Variants in BEND7 observed in about 807,000 individuals in gnomAD.
BEND7 encodes BEN domain containing 7.
BEND7 carries 28 observed loss-of-function variants against 50.9 expected under a neutral mutation model. The ratio of observed to expected loss-of-function variants is 0.55; its 90% CI spans 0.41 to 0.75. The LOEUF (loss-of-function observed/expected upper bound fraction) is 0.75. Among genes scored for constraint, BEND7 ranks in the 30% least tolerant of loss-of-function variants. The pLI is 0.00. For missense variants in BEND7, 477 were observed against 491.3 expected (o/e 0.97, Z 0.28); for synonymous variants, 170 against 183.9 (o/e 0.92, Z 0.61).
chr10:13,467,009 G>A (rs1470085896), intron 6 of BEND7, among the ~76,000 whole-genome samples: 4 of 152,186 alleles, frequency 2.6e-5, no homozygotes, highest in Non-Finnish European at 4.4e-5. Context: ...AGGCGGGTGC[G>A]GGGCAGGGGT....
intron 1 of BEND7, among the ~76,000 whole-genome samples, chr10:13,528,130 G>C (rs1177948962): frequency 2.0e-5 from 3 of 152,096 alleles, no homozygotes; most frequent in Non-Finnish European, 2.9e-5. Context: ...TCTCAGGTCC[G>C]AGGGTCCACG....
At chr10:13,474,468 C>A (rs957595430) in intron 6 of BEND7, among the ~76,000 whole-genome samples, 1 of 152,126 alleles carries the variant, frequency 6.6e-6, no homozygotes, top group African/African-American at 2.4e-5. Flanking sequence ...GGGTCAATAC[C>A]CGTCATCACT....
chr10:13,485,256 A>C (rs773612488), intron 5 of BEND7, among the ~76,000 whole-genome samples: 70 of 152,222 alleles, frequency 4.6e-4, no homozygotes, highest in Non-Finnish European at 1.3e-4. Context: ...GGTATTAGTA[A>C]GGTATTAATA....
At chr10:13,496,635 T>A in intron 4 of BEND7, 131 bp downstream of exon 4, 11 of 1,102,766 alleles carry the variant, frequency 1.0e-5, no homozygotes, top group Non-Finnish European at 1.4e-5. Context: ...AAAAAACAGA[T>A]ACTTGAAAAG....
At chr10:13,470,177 C>T (rs556496984) in intron 6 of BEND7, among the ~76,000 whole-genome samples, 20 of 152,298 alleles carry the variant, frequency 1.3e-4, no homozygotes, top group African/African-American at 3.8e-4. Context: ...AGATGGACCA[C>T]GCAGAAAACA....
At chr10:13,495,271 TAAG>T (rs1004770118) in intron 4 of BEND7, among the ~76,000 whole-genome samples, 3 of 152,248 alleles carry the variant, frequency 2.0e-5, no homozygotes, top group Admixed American at 6.5e-5. Context: ...TCCAGGTTAA[TAAG>T]AACACAGATT....
intron 5 of BEND7, among the ~76,000 whole-genome samples, chr10:13,492,378 C>T (rs533085453): frequency 6.6e-6 from 1 of 152,186 alleles, no homozygotes; most frequent in Non-Finnish European, 1.5e-5. Flanking sequence ...ATTATTTACG[C>T]CATCACCCTC....
chr10:13,487,091 T>C (rs543625121), intron 5 of BEND7, among the ~76,000 whole-genome samples: 1 of 152,380 alleles, frequency 6.6e-6, no homozygotes, highest in African/African-American at 2.4e-5. Flanking sequence ...TTTCACACAC[T>C]TCAGTATGCC....
chr10:13,481,061 A>G lies in BEND7; in HGVS notation c.901T>C (p.Leu301=). 4 of 1,614,150 alleles carry G rather than the reference A, an allele frequency of 2.5e-6. No homozygotes were observed. The highest frequency in any genetic ancestry group is 2.2e-5 in the East Asian group (1 of 44,882). Residue 301 remains leucine, a synonymous_variant, in exon 6 of 9, where the codon TTG becomes CTG. Coordinates refer to ENST00000466271, the MANE Select transcript of BEND7 (RefSeq NM_001369863.1). Reference sequence around the variant, plus strand: ...CTTCCTGAGCGAGTGTAGTTTGACAATATAGAGTCCAGCTGAGATTTAGGC... The same window carrying G: ...CTTCCTGAGCGAGTGTAGTTTGACAGTATAGAGTCCAGCTGAGATTTAGGC... ...FMPKSQLDSI[L]SNYTRSGSLL...
intron 6 of BEND7, among the ~76,000 whole-genome samples, chr10:13,474,627 G>GATACCCGTCATCA (rs2075283626): frequency 6.9e-6 from 1 of 145,890 alleles, no homozygotes; most frequent in African/African-American, 2.5e-5. Context: ...ACCCGTCATC[G>GATACCCGTCATCA]CTGTTGGACT....
intron 8 of BEND7, chr10:13,445,367 A>G (rs1836094727): frequency 6.6e-6 from 1 of 152,192 alleles, no homozygotes; most frequent in Admixed American, 6.6e-5. Flanking sequence ...AGGACTCCTA[A>G]AGGGATTAGC....
intron 2 of BEND7, among the ~76,000 whole-genome samples, chr10:13,518,656 C>T (rs2078868554): frequency 6.6e-6 from 1 of 152,146 alleles, no homozygotes; most frequent in South Asian, 2.1e-4. Flanking sequence ...TTTTCGGTGT[C>T]TTCTGGATTT....
chr10:13,464,074 C>A (rs2073983334), intron 6 of BEND7, among the ~76,000 whole-genome samples: 2 of 152,218 alleles, frequency 1.3e-5, no homozygotes, highest in African/African-American at 4.8e-5. Context: ...ACCTTGCTGG[C>A]AGATGCATCA....
intron 6 of BEND7, among the ~76,000 whole-genome samples, chr10:13,458,565 T>C (rs1325461235): frequency 1.3e-5 from 2 of 152,224 alleles, no homozygotes; most frequent in Non-Finnish European, 2.9e-5. Context: ...CAGCCCAGCT[T>C]CAGAGTTGAT....
intron 5 of BEND7, among the ~76,000 whole-genome samples, chr10:13,487,789 T>G (rs7090963): frequency 0.56 from 84,436 of 151,800 alleles, 24,308 homozygotes; most frequent in East Asian, 0.76. Flanking sequence ...GGCTAAGAAG[T>G]TGTTAAGAAA....
At chr10:13,503,481 C>T (rs10796088) in intron 2 of BEND7, among the ~76,000 whole-genome samples, 2 of 152,050 alleles carry the variant, frequency 1.3e-5, no homozygotes, top group African/African-American at 4.8e-5. Context: ...GGGAGGCTGA[C>T]GTGGGTGGAT....
At chr10:13,459,951 A>C (rs1394227003) in intron 6 of BEND7, 3 of 152,264 alleles carry the variant, frequency 2.0e-5, no homozygotes, top group African/African-American at 7.2e-5. Flanking sequence ...GCTTTGTCCC[A>C]GTGCCCTCTA....
In BEND7 at chr10:13,499,975, A is replaced by T; in HGVS notation, c.251T>A (p.Leu84Gln). Residue 84 changes from leucine (L) to glutamine (Q), a missense_variant, in exon 3 of 9, where the codon CTA (leucine) becomes CAA (glutamine). Physicochemically the swap from Leu to Gln is moderately radical, Grantham distance 113 (BLOSUM62 -2). Around this residue, in one of 3 missense-constraint regions of BEND7, gnomAD observed 396 missense variants for 384.2 expected, o/e 1.03. Coordinates refer to ENST00000466271, the MANE Select transcript of BEND7 (RefSeq NM_001369863.1). Reference protein sequence around the residue: ...YQRVGKEGEKLKEEPQDLDLV... With the variant: ...YQRVGKEGEKQKEEPQDLDLV... ...ATCCAGGTCCTGGGGCTCTTCTTTT[A>T]GTTTCTCTCCTTCTTTGCCAACTCG... The T allele has an allele frequency of 2.5e-6, 4 of 1,614,188 alleles. No individual in the cohort carries two copies. The highest frequency in any genetic ancestry group is 3.4e-6 in the Non-Finnish European group (4 of 1,180,030).
intron 7 of BEND7, 145 bp from the exon 8 acceptor site, chr10:13,447,461 T>C (rs1036936889): frequency 3.0e-6 from 2 of 672,282 alleles, no homozygotes; most frequent in Admixed American, 3.1e-5. Context: ...CGTTGGTTCA[T>C]ATTACAGATG....
Sources: gnomAD v4.1 joint callset for allele counts (sites outside exome capture counted in the v4.1 genomes callset) on GRCh38, gnomAD v4.1.1 for gene constraint, gnomAD v4.1.1 regional missense constraint, MANE v1.5 for transcripts, NCBI Gene and HGNC (gene_info 2026-07-23, HGNC 2026-07-21) for gene names.